LRIG2: variants seen among roughly 807,000 people sequenced by gnomAD.
The protein encoded by LRIG2 is leucine-rich repeats and immunoglobulin-like domains protein 2.
LRIG2 carries 93 observed loss-of-function variants against 107.8 expected under a neutral mutation model. The ratio of observed to expected loss-of-function variants is 0.86; its 90% CI spans 0.73 to 1.03. LRIG2 has a LOEUF of 1.03. LRIG2 is among the 50% of genes least tolerant of loss of function. LRIG2 has a pLI of 0.00. For synonymous variants in LRIG2, 471 were observed against 470.6 expected, an observed-to-expected ratio of 1.00 and a Z score of -0.01; for missense variants, 1,226 against 1,296.0, an observed-to-expected ratio of 0.95 and a Z score of 0.83.
chr1:113,109,410 A>G (rs1557913525), intron 12 of LRIG2, among the ~76,000 whole-genome samples: 1 of 152,250 alleles, frequency 6.6e-6, no homozygotes, highest in Non-Finnish European at 1.5e-5. Flanking sequence ...AAACCCGTGC[A>G]CATACAAAAT....
chr1:113,117,051 T>C (rs1655049708), intron 16 of LRIG2, among the ~76,000 whole-genome samples: 1 of 152,168 alleles, frequency 6.6e-6, no homozygotes, highest in Non-Finnish European at 1.5e-5. Context: ...CAGAGAGATG[T>C]AAAGAGTTCC....
intron 1 of LRIG2, among the ~76,000 whole-genome samples, chr1:113,079,808 C>T (rs1342621736): frequency 7.2e-6 from 1 of 138,730 alleles, no homozygotes; most frequent in African/African-American, 2.7e-5. Context: ...GTGGCACAAT[C>T]TCGGCTCACT....
rs1379471784 is a variant in LRIG2, at chr1:113,114,466, T to C, written c.2120T>C (p.Val707Ala). 1.9e-6 allele frequency: 3 copies of C among 1,613,466 alleles called. No individual in the cohort carries two copies. The highest frequency in any genetic ancestry group is 2.5e-6 in the Non-Finnish European group (3 of 1,179,830). Residue 707 changes from valine to alanine, a missense_variant, in exon 15 of 18, where the codon GTA becomes GCA. This residue lies in a region of LRIG2 where 642 missense variants were observed against 712.2 expected (regional missense o/e 0.90). Transcript: ENST00000361127. ...SFIRPLEDKTVTRGETAVLQC... is the reference protein window; with the variant it reads ...SFIRPLEDKTATRGETAVLQC... ...ATTAGACCCCTGGAGGATAAGACAG[T>C]AACACGAGGTGAAACTGCGGTGTTA...
At chr1:113,115,985 T>C (rs1336832247) in intron 15 of LRIG2, among the ~76,000 whole-genome samples, 1 of 152,212 alleles carries the variant, frequency 6.6e-6, no homozygotes, top group Non-Finnish European at 1.5e-5. Flanking sequence ...GTCAGTCTTT[T>C]ACACCTCTCA....
In LRIG2 at chr1:113,128,405, A is replaced by G. The variant is rs1655570676; in HGVS notation, c.*4304A>G. On this transcript the variant is annotated 3_prime_UTR_variant, in exon 18 of 18. Coordinates refer to ENST00000361127, the MANE Select transcript of LRIG2 (RefSeq NM_014813.3). ...TGAGTCTGCTTATTACTGGCTTTGT[A>G]ATCAAGGGTGAGTCTTTTTACTTCT... The G allele has an allele frequency of 1.3e-5, 2 of 152,162 alleles. No individual in the cohort carries two copies. The highest frequency in any genetic ancestry group is 4.8e-5 in the African/African-American group (2 of 41,442). 9.4% of individuals were successfully genotyped at this position (152,162 alleles called of 1,614,324 possible). A position where few individuals can be genotyped will look rare whatever the true frequency, so the allele number is the denominator to read the frequency against.
chr1:113,100,560 G>A (rs951057542), intron 11 of LRIG2, 72 bp downstream of exon 11: 1 of 853,064 alleles, frequency 1.2e-6, no homozygotes, highest in African/African-American at 1.7e-5. Flanking sequence ...AGTGTGATGG[G>A]AGTGACCCAA....
intron 1 of LRIG2, among the ~76,000 whole-genome samples, chr1:113,082,794 C>T (rs1014821616): frequency 2.0e-5 from 3 of 152,128 alleles, no homozygotes; most frequent in African/African-American, 7.2e-5. Context: ...GCTGGGATTA[C>T]AGGTGCTTGC....
intron 14 of LRIG2, 28 bp downstream of exon 14, chr1:113,112,788 C>T (rs1364285825): frequency 6.4e-7 from 1 of 1,561,782 alleles, no homozygotes; most frequent in East Asian, 2.3e-5. Flanking sequence ...TGGGTCCCTG[C>T]TTTTGTTGGA....
At chr1:113,123,803 C>G (rs1655370217) in intron 17 of LRIG2, 72 bp from the exon 18 acceptor site, 1 of 1,148,358 alleles carries the variant, frequency 8.7e-7, no homozygotes, top group Non-Finnish European at 1.3e-6. Flanking sequence ...ATCTTTATTT[C>G]TTTGAGGATT....
intron 17 of LRIG2, among the ~76,000 whole-genome samples, chr1:113,121,364 C>G (rs550741211): frequency 6.6e-6 from 1 of 152,288 alleles, no homozygotes; most frequent in South Asian, 2.1e-4. Flanking sequence ...AAGAGTAATG[C>G]TGAGCATGTG....
intron 1 of LRIG2, among the ~76,000 whole-genome samples, chr1:113,081,050 C>T (rs902685146): frequency 6.6e-6 from 1 of 151,878 alleles, no homozygotes; most frequent in East Asian, 1.9e-4. Context: ...ACCATGTTGG[C>T]CAGGCTGGCC....
chr1:113,098,870 T>G, intron 9 of LRIG2, 85 bp downstream of exon 9: 1 of 825,682 alleles, frequency 1.2e-6, no homozygotes, highest in Non-Finnish European at 2.0e-6. Context: ...GTTTATTTCA[T>G]ATGGCTACAA....
chr1:113,116,578 T>C, intron 16 of LRIG2, 142 bp downstream of exon 16: 5 of 710,040 alleles, frequency 7.0e-6, no homozygotes, highest in Non-Finnish European at 1.1e-5. Context: ...CAAAATAGGA[T>C]GAAAATTGAC....
intron 14 of LRIG2, among the ~76,000 whole-genome samples, chr1:113,113,775 C>G (rs1419121744): frequency 6.6e-6 from 1 of 151,880 alleles, no homozygotes; most frequent in Non-Finnish European, 1.5e-5. Flanking sequence ...GTTGGTCAGG[C>G]TGGTCTCGAA....
intron 16 of LRIG2, among the ~76,000 whole-genome samples, chr1:113,117,689 G>A (rs1655076636): frequency 6.6e-6 from 1 of 151,988 alleles, no homozygotes; most frequent in Admixed American, 6.6e-5. Flanking sequence ...CACCATGTTG[G>A]TCAGGCTGGT....
intron 1 of LRIG2, among the ~76,000 whole-genome samples, chr1:113,075,813 A>G (rs953042587): frequency 4.7e-5 from 7 of 148,542 alleles, no homozygotes; most frequent in Admixed American, 2.1e-4. Context: ...CTCCTGCCTC[A>G]GCCTCCCAAG....
intron 15 of LRIG2, 74 bp downstream of exon 15, chr1:113,114,950 T>C: frequency 1.6e-6 from 2 of 1,275,566 alleles, no homozygotes; most frequent in African/African-American, 3.0e-5. Flanking sequence ...TTGTACAATA[T>C]AAAAAACTGA....
At chr1:113,118,653 T>G (rs975755996) in intron 16 of LRIG2, among the ~76,000 whole-genome samples, 2 of 151,810 alleles carry the variant, frequency 1.3e-5, no homozygotes, top group South Asian at 2.1e-4. Context: ...CTCCTCACTC[T>G]GGCAGTATGA....
At chr1:113,082,621 CTAT>C (rs937080137) in intron 1 of LRIG2, among the ~76,000 whole-genome samples, 4 of 151,982 alleles carry the variant, frequency 2.6e-5, no homozygotes, top group Admixed American at 1.3e-4. Flanking sequence ...AGGTGTCACG[CTAT>C]TATTTATTTA....
Sources: allele counts gnomAD v4.1 joint callset (sites outside exome capture counted in the v4.1 genomes callset), GRCh38; gene constraint gnomAD v4.1.1; regional missense constraint gnomAD v4.1.1; transcripts MANE v1.5; gene names NCBI Gene and HGNC (gene_info 2026-07-23, HGNC 2026-07-21).